Variants in MLIP observed in about 807,000 individuals in gnomAD.
The protein encoded by MLIP is muscular LMNA interacting protein.
MLIP carries 79 observed loss-of-function variants against 84.8 expected under a neutral mutation model. That is an observed-to-expected ratio of 0.93 (90% CI 0.78 to 1.12). The LOEUF (loss-of-function observed/expected upper bound fraction) is 1.12, where lower values mean the gene tolerates loss of function less well. Among genes scored for constraint, MLIP ranks in the 50% most tolerant of loss-of-function variants. MLIP has a pLI of 0.00. For missense variants in MLIP, 1,257 were observed against 1,160.6 expected (o/e 1.08, Z -1.21); for synonymous variants, 504 against 463.0 (o/e 1.09, Z -1.14).
In MLIP at chr6:54,136,886, G is replaced by C. The variant is rs1470110690; in HGVS notation, c.817G>C (p.Glu273Gln). The change falls in exon 4 of 14, where the codon GAA (glutamate) becomes CAA (glutamine). Residue 273 changes from glutamate (E) to glutamine (Q), a missense_variant. By Grantham distance (29) the Glu-to-Gln change is conservative (BLOSUM62 2). Transcript: ENST00000502396. ...RLDVGGAVVE[E>Q]SATYFQTTAH... ...GGATGTCGGTGGGGCCGTGGTGGAA[G>C]AATCAGCTACGTATTTTCAAACTAC... 1 of 1,535,386 alleles carries C rather than the reference G, an allele frequency of 6.5e-7. No individual in the cohort carries two copies. Among genetic ancestry groups the C allele is most frequent in the Non-Finnish European group, 8.7e-7 (1 of 1,146,420 alleles).
intron 3 of MLIP, among the ~76,000 whole-genome samples, chr6:54,126,565 A>G (rs1443032982): frequency 6.6e-6 from 1 of 151,918 alleles, no homozygotes; most frequent in Non-Finnish European, 1.5e-5. Context: ...AACAATTACC[A>G]TTGCTCTTGT....
At position 54,152,190 on chromosome 6, in the gene MLIP, T is replaced by G. The variant is rs73741452; in HGVS notation, c.2289+3063T>G. Reference sequence around the variant, plus strand: ...CTTAACCTCCTGCCAATAATCATCTTCTCCAAGAATGACATGAGGATGAAA... The same window carrying G: ...CTTAACCTCCTGCCAATAATCATCTGCTCCAAGAATGACATGAGGATGAAA... On this transcript the variant is annotated intron_variant, in intron 5 of 13. Transcript: ENST00000502396. Among the ~76,000 whole-genome samples, 846 of 152,138 alleles carry G rather than the reference T, an allele frequency of 5.6e-3. 14 individuals are homozygous for G. The highest frequency in any genetic ancestry group is 0.018 in the African/African-American group (764 of 41,524).
At chr6:54,180,587 T>C (rs780043667) in intron 9 of MLIP, among the ~76,000 whole-genome samples, 9 of 152,354 alleles carry the variant, frequency 5.9e-5, no homozygotes, top group Non-Finnish European at 8.8e-5. Flanking sequence ...GCTTATTAAT[T>C]CTTTCTTCTT....
intron 1 of MLIP, among the ~76,000 whole-genome samples, chr6:54,051,810 A>G (rs1765389060): frequency 6.6e-6 from 1 of 152,128 alleles, no homozygotes; most frequent in Non-Finnish European, 1.5e-5. Flanking sequence ...TTTGGGCTAT[A>G]TAAATAAAGT....
intron 11 of MLIP, among the ~76,000 whole-genome samples, chr6:54,206,546 C>T (rs1245435506): frequency 6.6e-6 from 1 of 152,032 alleles, no homozygotes; most frequent in East Asian, 1.9e-4. Context: ...AGAGAATTTC[C>T]TCTGTGCTAC....
chr6:54,204,339 C>T (rs1055404815), intron 11 of MLIP, among the ~76,000 whole-genome samples: 5 of 152,120 alleles, frequency 3.3e-5, no homozygotes, highest in Admixed American at 6.5e-5. Flanking sequence ...AACAAAAGCA[C>T]TTATGAAATA....
chr6:54,159,495 C>A (rs1774390025), intron 5 of MLIP, among the ~76,000 whole-genome samples: 1 of 151,996 alleles, frequency 6.6e-6, no homozygotes, highest in Non-Finnish European at 1.5e-5. Flanking sequence ...ATGACCAAGG[C>A]AGGTAGAAAC....
At chr6:54,256,287 C>A (rs1782999782) in intron 12 of MLIP, among the ~76,000 whole-genome samples, 1 of 152,112 alleles carries the variant, frequency 6.6e-6, no homozygotes, top group Non-Finnish European at 1.5e-5. Context: ...CCTTGGCCTC[C>A]CTAGCAGCCA....
intron 1 of MLIP, among the ~76,000 whole-genome samples, chr6:54,040,578 A>AGC (rs1764687032): frequency 6.6e-6 from 1 of 152,120 alleles, no homozygotes; most frequent in Non-Finnish European, 1.5e-5. Context: ...AATGCAAAGG[A>AGC]AAATAGATTG....
chr6:54,043,967 A>G (rs1764890863), intron 1 of MLIP, among the ~76,000 whole-genome samples: 2 of 152,208 alleles, frequency 1.3e-5, no homozygotes, highest in Admixed American at 6.5e-5. Flanking sequence ...TGTGGAACCA[A>G]GACGAGTCAG....
chr6:54,080,676 C>A (rs933723244), intron 1 of MLIP, among the ~76,000 whole-genome samples: 1 of 148,570 alleles, frequency 6.7e-6, no homozygotes, highest in Admixed American at 6.7e-5. Flanking sequence ...ATGCAAATTT[C>A]TTTCTATAAA....
intron 12 of MLIP, among the ~76,000 whole-genome samples, chr6:54,254,654 T>A (rs867615085): frequency 1.5e-4 from 23 of 152,046 alleles, no homozygotes; most frequent in African/African-American, 5.3e-4. Context: ...TCCTGGAAAG[T>A]AGGAAGGCTA....
intron 11 of MLIP, among the ~76,000 whole-genome samples, chr6:54,203,995 G>A (rs113627154): frequency 0.017 from 2,528 of 152,118 alleles, 65 homozygotes; most frequent in African/African-American, 0.057. Context: ...ACCATAACTG[G>A]GTCTGAAATC....
intron 12 of MLIP, among the ~76,000 whole-genome samples, chr6:54,235,042 G>A (rs1781271348): frequency 6.6e-6 from 1 of 152,002 alleles, no homozygotes; most frequent in Non-Finnish European, 1.5e-5. Context: ...CATTCATTTT[G>A]TCTCAAACTA....
At position 54,124,488 on chromosome 6, in the gene MLIP, T is replaced by A; in HGVS notation, c.268T>A (p.Tyr90Asn). 1 of 1,613,820 alleles carries A rather than the reference T, an allele frequency of 6.2e-7. No individual in the cohort carries two copies. The highest frequency in any genetic ancestry group is 1.3e-5 in the African/African-American group (1 of 75,040). Residue 90 changes from tyrosine to asparagine, a missense_variant, in exon 3 of 14, where the codon TAC becomes AAC. Coordinates refer to ENST00000502396, the MANE Select transcript of MLIP (RefSeq NM_001281747.2). The stretch of plus-strand genomic sequence containing the variant: ...TCTATTACAGTCTAAATCCAATGAC[T>A]ACTTGACCTTGAATGCTGGGAGCCA... ...ETVNRSKSND[Y>N]LTLNAGSQQE...
chr6:54,262,022 G>T (rs1783422896), intron 13 of MLIP, among the ~76,000 whole-genome samples: 1 of 151,944 alleles, frequency 6.6e-6, no homozygotes, highest in South Asian at 2.1e-4. Flanking sequence ...AAAGACACCT[G>T]ATACAGGTAC....
intron 1 of MLIP, among the ~76,000 whole-genome samples, chr6:54,071,156 A>T (rs904857449): frequency 2.1e-4 from 32 of 152,132 alleles, no homozygotes; most frequent in Non-Finnish European, 3.8e-4. Flanking sequence ...AATGGTTTAC[A>T]TAAAAATAAT....
At chr6:54,135,940 G>A (rs1237313946) in intron 3 of MLIP, among the ~76,000 whole-genome samples, 1 of 151,988 alleles carries the variant, frequency 6.6e-6, no homozygotes, top group East Asian at 1.9e-4. Context: ...CTCTTTATTT[G>A]GATTGGTGGG....
intron 11 of MLIP, chr6:54,215,012 C>T: frequency 1.6e-6 from 1 of 624,016 alleles, no homozygotes; most frequent in South Asian, 2.1e-5. Context: ...ATATCCCTCC[C>T]TCATGTAGCT....
Sources: gnomAD v4.1 joint callset for allele counts (sites outside exome capture counted in the v4.1 genomes callset) on GRCh38, gnomAD v4.1.1 for gene constraint, MANE v1.5 for transcripts, NCBI Gene and HGNC (gene_info 2026-07-23, HGNC 2026-07-21) for gene names.